The following CC2D1A variants were observed in gnomAD, a reference collection of about 807,000 sequenced individuals.
CC2D1A encodes coiled-coil and C2 domain containing 1A, also known as coiled-coil and C2 domain-containing protein 1A.
A neutral mutation model predicts 123.8 loss-of-function variants in CC2D1A; 68 were observed. The observed-to-expected ratio is 0.55, with a 90% CI of 0.45 to 0.67. The LOEUF is 0.67. CC2D1A is among the 30% of genes least tolerant of loss of function. CC2D1A has a pLI of 0.00. For missense variants in CC2D1A, 1,185 were observed against 1,290.3 expected (o/e 0.92, Z 1.25); for synonymous variants, 477 against 528.0 (o/e 0.90, Z 1.32).
chr19:13,913,768 A>G (rs1971105563), intron 6 of CC2D1A, 130 bp downstream of exon 6: 1 of 647,482 alleles, frequency 1.5e-6, no homozygotes, highest in Non-Finnish European at 2.6e-6. Context: ...GGGGTCTTCA[A>G]GCCCCTGGAG....
rs919856220 is a variant in CC2D1A, at chr19:13,913,501, C to T, written c.611C>T (p.Thr204Met). 1.9e-5 allele frequency: 30 copies of T among 1,614,172 alleles called. No homozygotes were observed. The highest frequency in any genetic ancestry group is 1.6e-4 in the Middle Eastern group (1 of 6,062). Residue 204 changes from threonine (T) to methionine (M), a missense_variant, in exon 6 of 29, where the codon ACG becomes ATG. By Grantham distance (81) the Thr-to-Met change is moderately conservative. Transcript: ENST00000318003. ...GCCATAGGAAAAGGCCCGGCGTCCA[C>T]GCCTACCTACAGCCCTGCACCCACC... is the stretch of plus-strand genomic sequence containing the variant. ...PVAIGKGPAS[T>M]PTYSPAPTQP... is the part of the protein sequence containing the mutation.
In CC2D1A at chr19:13,930,051, C is replaced by A. The variant is rs1398067591; in HGVS notation, c.2711-27C>A. ...TGGGCAGTGAGGCCCCACCCTAAGC[C>A]TCCATTCCCCCGCCATCCATTCTCA... On this transcript the variant is annotated intron_variant, in intron 26 of 28. Coordinates refer to ENST00000318003, the MANE Select transcript of CC2D1A (RefSeq NM_017721.5). The surrounding 1 kb of genome is among the most constrained non-coding windows in gnomAD (Gnocchi z 6.8). The A allele has an allele frequency of 1.2e-6, 2 of 1,608,558 alleles. No individual in the cohort carries two copies. The highest frequency in any genetic ancestry group is 1.7e-6 in the Non-Finnish European group (2 of 1,177,840).
rs745974240 is a variant in CC2D1A at position 13,919,822 on chromosome 19, C to T, written c.1227C>T (p.Phe409=). ...DVAELPVPPG[F]PPIQGLEATK... ...AGGCCTCGACTGGCCACCCAGGCTTCCCCCCAATCCAGGGCCTGGAGGCCA... is the reference window on the plus strand; with the variant it reads ...AGGCCTCGACTGGCCACCCAGGCTTTCCCCCAATCCAGGGCCTGGAGGCCA... The change falls in exon 12 of 29, where the codon TTC becomes TTT. Residue 409 remains phenylalanine, a synonymous_variant. Coordinates refer to ENST00000318003, the MANE Select transcript of CC2D1A (RefSeq NM_017721.5). 12 of 1,596,594 alleles carry T rather than the reference C, an allele frequency of 7.5e-6. No homozygotes were observed. Among genetic ancestry groups the T allele is most frequent in the African/African-American group, 1.3e-5 (1 of 74,350 alleles).
intron 24 of CC2D1A, 60 bp downstream of exon 24, chr19:13,928,248 T>C (rs554076743): frequency 6.8e-7 from 1 of 1,460,700 alleles, no homozygotes; most frequent in African/African-American, 1.4e-5. Context: ...CAGCCCCACC[T>C]GGACAGTTTC....
Position 13,929,383 on chromosome 19 carries a change from G to T in CC2D1A, c.2524G>T (p.Ala842Ser), listed in dbSNP as rs1159160162. 3.1e-6 allele frequency: 5 copies of T among 1,613,514 alleles called. No homozygotes were observed. The Middle Eastern group carries it at 5.0e-4, about 160-fold the overall frequency. ...TATCCTTCCTCCACCCCTTAGATCA[G>T]CCCGGCCCCTGCATAGCCTCAGTGT... ...APARESGNRS[A>S]RPLHSLSVLA... Residue 842 changes from alanine to serine, a missense_variant, in exon 25 of 29, where the codon GCC becomes TCC. By Grantham distance (99) the Ala-to-Ser change is moderately conservative. Transcript: ENST00000318003.
rs745987033 is a variant in CC2D1A, at chr19:13,928,127, G to T, written c.2458G>T (p.Val820Phe). 1 of 1,613,566 alleles carries T rather than the reference G, an allele frequency of 6.2e-7. No homozygotes were observed. Among genetic ancestry groups the T allele is most frequent in the Non-Finnish European group, 8.5e-7 (1 of 1,179,916 alleles). The change falls in exon 24 of 29, where the codon GTT becomes TTT. Residue 820 changes from valine (V) to phenylalanine (F), a missense_variant. Coordinates refer to ENST00000318003, the MANE Select transcript of CC2D1A (RefSeq NM_017721.5). ...DPVPAAVPTQ[V>F]AGPKGKAPPV... ...GGACTGGTTCTCTCCTCTGAAGCAG[G>T]TTGCTGGGCCCAAAGGGAAGGCCCC...
rs1310623541 is a variant in CC2D1A, at chr19:13,919,056, T to G, written c.1149+14T>G. Reference sequence around the variant, plus strand: ...CGCATCGTCAAGGTGCCCTGGGGGTTCCGGGGGAGGTGGGGCGAGTGGGCA... The same window carrying G: ...CGCATCGTCAAGGTGCCCTGGGGGTGCCGGGGGAGGTGGGGCGAGTGGGCA... On this transcript the variant is annotated intron_variant, in intron 10 of 28. Transcript: ENST00000318003. 5 of 1,604,396 alleles carry G rather than the reference T, an allele frequency of 3.1e-6. No homozygotes were observed. The highest frequency in any genetic ancestry group is 3.4e-5 in the Admixed American group (2 of 59,248).
At chr19:13,922,035 C>A (rs1385029127) in intron 14 of CC2D1A, among the ~76,000 whole-genome samples, 1 of 152,144 alleles carries the variant, frequency 6.6e-6, no homozygotes, top group Non-Finnish European at 1.5e-5. Context: ...GGAGTCTCGC[C>A]CTGTCATCCA....
rs1482375151 is a variant in CC2D1A, at chr19:13,919,960, G to T, written c.1356+9G>T. 3.7e-6 allele frequency: 6 copies of T among 1,608,038 alleles called. No homozygotes were observed. The Admixed American group carries it at 8.4e-5, about 22-fold the overall frequency. ...ATGAGGTGCCTAAGAAGGTTTGAGGGTTGGGGCCGGGCGCAGTGGCTCACA... is the reference window on the plus strand; with the variant it reads ...ATGAGGTGCCTAAGAAGGTTTGAGGTTTGGGGCCGGGCGCAGTGGCTCACA... On this transcript the variant is annotated intron_variant, in intron 12 of 28. Coordinates refer to ENST00000318003, the MANE Select transcript of CC2D1A (RefSeq NM_017721.5).
At position 13,913,321 on chromosome 19, in the gene CC2D1A, G is replaced by C. The variant is rs199985096; in HGVS notation, c.513+19G>C. 2,993 of 1,609,450 alleles carry C rather than the reference G, an allele frequency of 1.9e-3. 22 individuals are homozygous for C. The highest frequency in any genetic ancestry group is 0.011 in the Middle Eastern group (68 of 6,040). On this transcript the variant is annotated intron_variant, in intron 5 of 28. Coordinates refer to ENST00000318003, the MANE Select transcript of CC2D1A (RefSeq NM_017721.5). The stretch of plus-strand genomic sequence containing the variant: ...GCTTAAAGTAAGTGGGCAGAGGGCA[G>C]GGTACAGGGACCCCCCGCCAACCCC...
At chr19:13,925,918 T>TAAAA (rs34627490) in intron 17 of CC2D1A, among the ~76,000 whole-genome samples, 32 of 55,264 alleles carry the variant, frequency 5.8e-4, no homozygotes, top group African/African-American at 2.3e-3. Context: ...AGACTCTGTC[T>TAAAA]AAAAAAAAAA....
At chr19:13,928,656 C>G (rs1971742825) in intron 24 of CC2D1A, among the ~76,000 whole-genome samples, 1 of 151,386 alleles carries the variant, frequency 6.6e-6, no homozygotes, top group Non-Finnish European at 1.5e-5. Context: ...TCAGTAACAC[C>G]GGGTGGTTCT....
rs1278218574 is a variant in CC2D1A, at chr19:13,928,199, G to T, written c.2519+11G>T. On this transcript the variant is annotated intron_variant, in intron 24 of 28. Coordinates refer to ENST00000318003, the MANE Select transcript of CC2D1A (RefSeq NM_017721.5). ...GGAGTCAGGGAACAGGTAGGTATCTGGGCCAGGGCATGCTGGAGAAAACAC... is the reference window on the plus strand; with the variant it reads ...GGAGTCAGGGAACAGGTAGGTATCTTGGCCAGGGCATGCTGGAGAAAACAC... 1.9e-6 allele frequency: 3 copies of T among 1,612,044 alleles called. 1 individual carries two copies. The South Asian group carries it at 3.3e-5, about 18-fold the overall frequency.
intron 24 of CC2D1A, 75 bp from the exon 25 acceptor site, chr19:13,929,304 C>G (rs1971772296): frequency 6.8e-7 from 1 of 1,470,808 alleles, no homozygotes; most frequent in African/African-American, 1.4e-5. Flanking sequence ...TGTGCCCAGC[C>G]CAGTGTGTCT....
At chr19:13,924,155 A>G (rs1009507950) in intron 17 of CC2D1A, among the ~76,000 whole-genome samples, 4 of 151,436 alleles carry the variant, frequency 2.6e-5, no homozygotes, top group African/African-American at 9.7e-5. Flanking sequence ...AGGAGCGGGG[A>G]TTGTTTTCTC....
intron 6 of CC2D1A, among the ~76,000 whole-genome samples, chr19:13,916,897 T>C (rs958226467): frequency 5.9e-5 from 9 of 152,204 alleles, no homozygotes; most frequent in African/African-American, 1.9e-4. Context: ...ATTGCACTTA[T>C]AGCTTTAAAC....
chr19:13,915,066 T>C (rs78926670), intron 6 of CC2D1A, among the ~76,000 whole-genome samples: 3,615 of 152,360 alleles, frequency 0.024, 150 homozygotes, highest in African/African-American at 0.081. Context: ...CAAGCCATTG[T>C]TTTTGACAAA....
Position 13,929,633 on chromosome 19 carries a change from G to A in CC2D1A, c.2683G>A (p.Glu895Lys). 6.4e-7 allele frequency: 1 copy of A among 1,572,332 alleles called. No individual in the cohort carries two copies. The highest frequency in any genetic ancestry group is 8.6e-7 in the Non-Finnish European group (1 of 1,161,656). ...QRSQWQRAQL[E>K]QGGVGIRREY... ...CAGCCAGTGGCAGAGGGCACAGCTG[G>A]AGCAGGGGGGTGTGGGCATCCGACG... The change falls in exon 26 of 29, where the codon GAG becomes AAG. Residue 895 changes from glutamate to lysine, a missense_variant. Physicochemically the swap from Glu to Lys is moderately conservative, Grantham distance 56 (BLOSUM62 1). Transcript: ENST00000318003.
intron 7 of CC2D1A, 82 bp downstream of exon 7, chr19:13,918,276 G>T: frequency 7.0e-7 from 1 of 1,434,236 alleles, no homozygotes; most frequent in Non-Finnish European, 9.3e-7. Context: ...ACCCAAATTT[G>T]CATCCTAGCT....
Sources: gnomAD v4.1 joint callset for allele counts (sites outside exome capture counted in the v4.1 genomes callset) on GRCh38, gnomAD v4.1.1 for gene constraint, Gnocchi (gnomAD v3.1) non-coding constraint, MANE v1.5 for transcripts, NCBI Gene and HGNC (gene_info 2026-07-23, HGNC 2026-07-21) for gene names.